The following ARHGAP31 variants were observed in gnomAD, a reference collection of about 807,000 sequenced individuals.
ARHGAP31 encodes rho GTPase-activating protein 31.
ARHGAP31 carries 34 observed loss-of-function variants against 113.9 expected under a neutral mutation model. That is an observed-to-expected ratio of 0.30 (90% CI 0.23 to 0.40). ARHGAP31 has a LOEUF of 0.40. ARHGAP31 is among the 10% of genes least tolerant of loss of function. The pLI, the probability that ARHGAP31 is intolerant of heterozygous loss-of-function variation, is 1.00. For missense variants in ARHGAP31, 1,548 were observed against 1,767.1 expected, an observed-to-expected ratio of 0.88 and a Z score of 2.22; for synonymous variants, 650 against 684.8, an observed-to-expected ratio of 0.95 and a Z score of 0.79.
chr3:119,314,085 C>T (rs116789121), intron 1 of ARHGAP31, among the ~76,000 whole-genome samples: 4,608 of 152,286 alleles, frequency 0.03, 189 homozygotes, highest in African/African-American at 0.08. Flanking sequence ...ACACATCTCC[C>T]GACCAGAGCA....
At chr3:119,307,939 G>GAAAAAAAAAAAAAAAAA (rs1559961514) in intron 1 of ARHGAP31, among the ~76,000 whole-genome samples, 6 of 1,636 alleles carry the variant, frequency 3.7e-3, no homozygotes, top group African/African-American at 8.9e-3. Flanking sequence ...TGAATTAACA[G>GAAAAAAAAAAAAAAAAA]CAAAAAAAAA....
At chr3:119,368,571 G>A (rs2080269847) in intron 3 of ARHGAP31, 55 bp downstream of exon 3, 22 of 1,600,352 alleles carry the variant, frequency 1.4e-5, no homozygotes, top group Non-Finnish European at 1.9e-5. Flanking sequence ...GATGGGCCAA[G>A]AAGAGTTTCA....
intron 1 of ARHGAP31, among the ~76,000 whole-genome samples, chr3:119,331,929 G>A (rs2079894907): frequency 6.6e-6 from 1 of 152,082 alleles, no homozygotes; most frequent in Non-Finnish European, 1.5e-5. Flanking sequence ...CATTCCCTTA[G>A]GTGAAGAGCT....
chr3:119,369,954 A>G (rs907782102), intron 3 of ARHGAP31, among the ~76,000 whole-genome samples: 1 of 114,740 alleles, frequency 8.7e-6, no homozygotes, highest in Non-Finnish European at 1.9e-5. Flanking sequence ...ATGAAGATTT[A>G]AAAAAAAAAG....
At position 119,415,163 on chromosome 3, in the gene ARHGAP31, C is replaced by T. The variant is rs958230823; in HGVS notation, c.3234C>T (p.Ser1078=). 3.7e-6 allele frequency: 6 copies of T among 1,614,226 alleles called. No homozygotes were observed. Among genetic ancestry groups the T allele is most frequent in the Admixed American group, 1.7e-5 (1 of 60,034 alleles). The change falls in exon 12 of 12, where the codon AGC becomes AGT. Residue 1078 remains serine (S), a synonymous_variant. Coordinates refer to ENST00000264245, the MANE Select transcript of ARHGAP31 (RefSeq NM_020754.4). ...SKESSPSVQD[S]TSPGEHPAKL... ...AGAGTTCACCCAGCGTGCAGGACAG[C>T]ACTTCGCCTGGAGAGCACCCCGCAA...
At chr3:119,347,232 CT>C (rs2080068668) in intron 1 of ARHGAP31, among the ~76,000 whole-genome samples, 1 of 152,252 alleles carries the variant, frequency 6.6e-6, no homozygotes, top group Middle Eastern at 3.4e-3. Context: ...GCTCTGCCTT[CT>C]TCCTGGCACT....
chr3:119,418,878 G>T lies in ARHGAP31; in HGVS notation c.*2614G>T, dbSNP rs1445288043. The T allele has an allele frequency of 6.6e-6, 1 of 152,202 alleles. No individual in the cohort carries two copies. Among genetic ancestry groups the T allele is most frequent in the Non-Finnish European group, 1.5e-5 (1 of 68,082 alleles). The allele number at this position is 152,202 out of a possible 1,614,324, so 9.4% of individuals were successfully genotyped here. On this transcript the variant is annotated 3_prime_UTR_variant, in exon 12 of 12. Coordinates refer to ENST00000264245, the MANE Select transcript of ARHGAP31 (RefSeq NM_020754.4). The stretch of plus-strand genomic sequence containing the variant: ...GCCAGAGTCCTGCTGCTCAAGTGTG[G>T]ACCTCCACTTTGACTCTCACCCAGC...
At chr3:119,342,703 G>T (rs192230595) in intron 1 of ARHGAP31, among the ~76,000 whole-genome samples, 54 of 152,284 alleles carry the variant, frequency 3.5e-4, no homozygotes, top group African/African-American at 1.2e-3. Context: ...TATTCCCAGC[G>T]CTTGGGGAGG....
At chr3:119,372,377 G>A (rs552505216) in intron 3 of ARHGAP31, among the ~76,000 whole-genome samples, 1 of 150,082 alleles carries the variant, frequency 6.7e-6, no homozygotes, top group African/African-American at 2.4e-5. Context: ...TCTGCCTCCC[G>A]GGTTCAAGCT....
chr3:119,350,059 G>A (rs2080097660), intron 1 of ARHGAP31, among the ~76,000 whole-genome samples: 1 of 152,100 alleles, frequency 6.6e-6, no homozygotes, highest in South Asian at 2.1e-4. Flanking sequence ...TTTTTAACTT[G>A]CACTACTTGT....
chr3:119,358,082 C>G (rs908020424), intron 1 of ARHGAP31, among the ~76,000 whole-genome samples: 1 of 152,036 alleles, frequency 6.6e-6, no homozygotes, highest in Non-Finnish European at 1.5e-5. Flanking sequence ...AGTGAAAAGA[C>G]CACCCACAGC....
At chr3:119,324,164 C>G (rs1448434) in intron 1 of ARHGAP31, among the ~76,000 whole-genome samples, 56,968 of 152,056 alleles carry the variant, frequency 0.37, 10,896 homozygotes, top group Non-Finnish European at 0.41. Context: ...TAGCGCTTTC[C>G]TCTTTTTAGA....
At chr3:119,409,088 T>C (rs1435432347) in intron 10 of ARHGAP31, among the ~76,000 whole-genome samples, 1 of 152,184 alleles carries the variant, frequency 6.6e-6, no homozygotes, top group Non-Finnish European at 1.5e-5. Context: ...GTCTTTGTTG[T>C]GGGGCAGGTT....
At chr3:119,362,612 A>C (rs2080218329) in intron 1 of ARHGAP31, among the ~76,000 whole-genome samples, 1 of 152,030 alleles carries the variant, frequency 6.6e-6, no homozygotes, top group Non-Finnish European at 1.5e-5. Context: ...TATGAAAAAT[A>C]CAAAAATTAG....
intron 1 of ARHGAP31, among the ~76,000 whole-genome samples, chr3:119,355,706 A>G (rs149754692): frequency 0.01 from 1,533 of 152,074 alleles, 13 homozygotes; most frequent in Non-Finnish European, 0.017. Flanking sequence ...TCATTGTTCA[A>G]TTCCGACCTA....
At chr3:119,356,152 C>G (rs2080155532) in intron 1 of ARHGAP31, among the ~76,000 whole-genome samples, 1 of 152,114 alleles carries the variant, frequency 6.6e-6, no homozygotes. Context: ...GTTCAAAATT[C>G]AAAAGTACAA....
chr3:119,415,940 C>A lies in ARHGAP31; in HGVS notation c.4011C>A (p.His1337Gln), dbSNP rs769863129. The A allele has an allele frequency of 3.1e-6, 5 of 1,614,080 alleles. No individual in the cohort carries two copies. The African/African-American group carries it at 6.7e-5, about 22-fold the overall frequency. Residue 1337 changes from histidine to glutamine, a missense_variant, in exon 12 of 12, where the codon CAC becomes CAA. By Grantham distance (24) the His-to-Gln change is conservative. Coordinates refer to ENST00000264245, the MANE Select transcript of ARHGAP31 (RefSeq NM_020754.4). The part of the protein sequence containing the change: ...ERPSGGSKPF[H>Q]RSRPGRPQSL... ...CATCTGGGGGTTCTAAGCCTTTCCA[C>A]AGGTCAAGGCCAGGAAGACCTCAGA...
chr3:119,373,434 C>CTT (rs11289099), intron 3 of ARHGAP31, among the ~76,000 whole-genome samples: 1 of 147,176 alleles, frequency 6.8e-6, no homozygotes. Flanking sequence ...GTGAGACTGG[C>CTT]TTTTTTTTTT....
chr3:119,409,854 T>C, intron 11 of ARHGAP31, 78 bp downstream of exon 11: 4 of 1,445,250 alleles, frequency 2.8e-6, no homozygotes, highest in Non-Finnish European at 3.7e-6. Context: ...TTAAAGTAAA[T>C]TGAAAAAAAA....
Sources: allele counts gnomAD v4.1 joint callset (sites outside exome capture counted in the v4.1 genomes callset), GRCh38; gene constraint gnomAD v4.1.1; transcripts MANE v1.5; gene names NCBI Gene and HGNC (gene_info 2026-07-23, HGNC 2026-07-21).